BRD3: variants seen among roughly 807,000 people sequenced by gnomAD.
BRD3 encodes the protein bromodomain containing 3, also known as bromodomain-containing protein 3.
Under a neutral mutation model 66.8 loss-of-function variants are expected in BRD3, and 17 were observed. That is an observed-to-expected ratio of 0.25 (90% CI 0.17 to 0.38). BRD3 has a LOEUF of 0.38. Ranked by LOEUF, BRD3 falls within the 10% of genes least tolerant of loss-of-function variation. The pLI, the probability that BRD3 is intolerant of heterozygous loss-of-function variation, is 1.00. For synonymous variants in BRD3, 421 were observed against 393.2 expected (o/e 1.07, Z -0.84); for missense variants, 713 against 956.1 (o/e 0.75, Z 3.35).
chr9:134,031,200 A>G lies in BRD3; in HGVS notation c.*2390T>C, dbSNP rs1843506441. 4.5e-6 allele frequency: 1 copy of G among 221,190 alleles called. No individual in the cohort carries two copies. The highest frequency in any genetic ancestry group is 9.0e-6 in the Non-Finnish European group (1 of 110,518). 13.7% of individuals were successfully genotyped at this position (221,190 alleles called of 1,614,324 possible). Reference sequence around the variant, plus strand: ...GCAGAGGCGAGCCGACGCCACCGTCACAGAGAACCAGCCGAGAAGGAAAGG... The same window carrying G: ...GCAGAGGCGAGCCGACGCCACCGTCGCAGAGAACCAGCCGAGAAGGAAAGG... On this transcript the variant is annotated 3_prime_UTR_variant, in exon 12 of 12. Coordinates refer to ENST00000303407, the MANE Select transcript of BRD3 (RefSeq NM_007371.4).
In BRD3 at chr9:134,053,571, C is replaced by A; in HGVS notation, c.-94G>T. 6.9e-7 allele frequency: 1 copy of A among 1,448,390 alleles called. No homozygotes were observed. Among genetic ancestry groups the A allele is most frequent in the Admixed American group, 2.6e-5 (1 of 39,166 alleles). 89.7% of individuals were successfully genotyped at this position (1,448,390 alleles called of 1,614,324 possible). A position where few individuals can be genotyped will look rare whatever the true frequency, so the allele number is the denominator to read the frequency against. Reference sequence around the variant, plus strand: ...CTGAGAAAGCGCGACGTCCCATTTCCGGGCCCAACCAGGCGACAGCTGCAG... The same window carrying A: ...CTGAGAAAGCGCGACGTCCCATTTCAGGGCCCAACCAGGCGACAGCTGCAG... On this transcript the variant is annotated 5_prime_UTR_variant, in exon 2 of 12. Coordinates refer to ENST00000303407, the MANE Select transcript of BRD3 (RefSeq NM_007371.4).
intron 7 of BRD3, among the ~76,000 whole-genome samples, chr9:134,044,379 T>G (rs980905472): frequency 6.6e-6 from 1 of 152,106 alleles, no homozygotes; most frequent in African/African-American, 2.4e-5. Flanking sequence ...TCATCCACAA[T>G]AATACCATGG....
Position 134,032,054 on chromosome 9 carries a change from A to C in BRD3, c.*1536T>G, listed in dbSNP as rs559894844. The C allele has an allele frequency of 3.7e-5, 8 of 218,124 alleles. No individual in the cohort carries two copies. In the East Asian group the frequency reaches 5.4e-4, roughly 15 times the overall value. 13.5% of individuals were successfully genotyped at this position (218,124 alleles called of 1,614,324 possible). ...CACTGGAGGCTGGCAGGGAGCAGGC[A>C]TGTCCACCCGCAAGCCTGGGAGGCT... On this transcript the variant is annotated 3_prime_UTR_variant, in exon 12 of 12. Transcript: ENST00000303407.
intron 1 of BRD3, among the ~76,000 whole-genome samples, chr9:134,062,634 C>T (rs993987149): frequency 1.3e-5 from 2 of 152,172 alleles, no homozygotes; most frequent in African/African-American, 4.8e-5. Context: ...ACCCACTCCT[C>T]GAATAGAGAG....
intron 9 of BRD3, among the ~76,000 whole-genome samples, chr9:134,038,223 C>T (rs752451801): frequency 1.3e-5 from 2 of 151,714 alleles, no homozygotes; most frequent in Non-Finnish European, 1.5e-5. Context: ...GGTGTGATCT[C>T]GGCTCACTGC....
In BRD3 at chr9:134,032,105, G is replaced by T. The variant is rs906652685; in HGVS notation, c.*1485C>A. The T allele has an allele frequency of 4.6e-6, 1 of 217,734 alleles. No individual in the cohort carries two copies. The highest frequency in any genetic ancestry group is 6.8e-5 in the East Asian group (1 of 14,698). The allele number at this position is 217,734 out of a possible 1,614,324, so 13.5% of individuals were successfully genotyped here. ...AACTCTGGCATTCCTGGCCGGAGCCGCCATGCTCATTGGTGGGCCAGTTTG... is the reference window on the plus strand; with the variant it reads ...AACTCTGGCATTCCTGGCCGGAGCCTCCATGCTCATTGGTGGGCCAGTTTG... On this transcript the variant is annotated 3_prime_UTR_variant, in exon 12 of 12. Coordinates refer to ENST00000303407, the MANE Select transcript of BRD3 (RefSeq NM_007371.4).
intron 1 of BRD3, among the ~76,000 whole-genome samples, chr9:134,058,997 G>A (rs542478523): frequency 6.6e-6 from 1 of 152,364 alleles, no homozygotes; most frequent in South Asian, 2.1e-4. Flanking sequence ...GAGCCAAGGG[G>A]CACTGATTCA....
chr9:134,035,069 A>C (rs1843578797), intron 10 of BRD3, among the ~76,000 whole-genome samples: 1 of 152,194 alleles, frequency 6.6e-6, no homozygotes, highest in African/African-American at 2.4e-5. Flanking sequence ...GGGTGAGCAA[A>C]GCCTGGATCC....
At chr9:134,043,770 AG>A (rs1448523370) in intron 7 of BRD3, among the ~76,000 whole-genome samples, 2 of 152,198 alleles carry the variant, frequency 1.3e-5, no homozygotes, top group Non-Finnish European at 2.9e-5. Context: ...AGCTCACTGC[AG>A]TCTCCAACGC....
intron 10 of BRD3, 31 bp from the exon 11 acceptor site, chr9:134,034,860 C>A (rs1370888812): frequency 6.2e-7 from 1 of 1,608,762 alleles, no homozygotes; most frequent in African/African-American, 1.3e-5. Flanking sequence ...ACTCAGACTG[C>A]AGAGCAGACC....
At chr9:134,044,843 C>T (rs1830135309) in intron 7 of BRD3, among the ~76,000 whole-genome samples, 1 of 152,244 alleles carries the variant, frequency 6.6e-6, no homozygotes, top group Non-Finnish European at 1.5e-5. Context: ...CCGCCTTTTA[C>T]TTCTGTTGTC....
At chr9:134,052,186 C>A (rs930590701) in intron 3 of BRD3, 120 bp downstream of exon 3, 5 of 1,328,212 alleles carry the variant, frequency 3.8e-6, no homozygotes, top group Non-Finnish European at 5.1e-6. Context: ...AGCCACGGCA[C>A]CCAGCCAGGT....
At chr9:134,044,387 T>C (rs1830123067) in intron 7 of BRD3, among the ~76,000 whole-genome samples, 1 of 152,118 alleles carries the variant, frequency 6.6e-6, no homozygotes, top group Non-Finnish European at 1.5e-5. Flanking sequence ...AATAATACCA[T>C]GGGCTGCTCG....
rs187864274 is a variant in BRD3, at chr9:134,045,710, T to C, written c.1087-289A>G. ...CTCAACAAGAAATCCCAGGTTCCCG[T>C]AGGCGTCCCTTGGCCCCTTCCTTGT... On this transcript the variant is annotated intron_variant, in intron 6 of 11. Coordinates refer to ENST00000303407, the MANE Select transcript of BRD3 (RefSeq NM_007371.4). This position sits in a 1 kb window ranked among gnomAD's most constrained non-coding sequence, Gnocchi z 4.8. Among the ~76,000 whole-genome samples the C allele has an allele frequency of 3.9e-5, 6 of 152,262 alleles. No homozygotes were observed. The East Asian group carries it at 7.7e-4, about 20-fold the overall frequency.
At chr9:134,036,735 G>T in intron 9 of BRD3, 1 of 803,374 alleles carries the variant, frequency 1.2e-6, no homozygotes, top group Non-Finnish European at 2.0e-6. Flanking sequence ...AGGGCCGGGC[G>T]CGGTGGCTCA....
Position 134,050,474 on chromosome 9 carries a change from G to A in BRD3, c.614C>T (p.Thr205Ile). Residue 205 changes from threonine to isoleucine, a missense_variant, in exon 5 of 12, where the codon ACT (threonine) becomes ATT (isoleucine). Physicochemically the swap from Thr to Ile is moderately conservative, Grantham distance 89. This residue lies in a region of BRD3 where 120 missense variants were observed against 122.8 expected (regional missense o/e 0.98). Coordinates refer to ENST00000303407, the MANE Select transcript of BRD3 (RefSeq NM_007371.4). ...VIAATPVPTITANVTSVPVPP... is the reference protein window; with the variant it reads ...VIAATPVPTIIANVTSVPVPP... Reference sequence around the variant, plus strand: ...GACTGGGACCGACGTGACGTTTGCAGTGATGGTTGGTACAGGGGTGGCAGC... The same window carrying A: ...GACTGGGACCGACGTGACGTTTGCAATGATGGTTGGTACAGGGGTGGCAGC... 6.2e-7 allele frequency: 1 copy of A among 1,612,272 alleles called. No individual in the cohort carries two copies. Among genetic ancestry groups the A allele is most frequent in the Non-Finnish European group, 8.5e-7 (1 of 1,179,446 alleles).
upstream of BRD3, chr9:134,068,363 G>C (rs1283784405): frequency 6.7e-6 from 1 of 149,844 alleles, no homozygotes; most frequent in African/African-American, 2.4e-5. Context: ...CGGATTTTCC[G>C]GTGCCCCAGG....
intron 11 of BRD3, among the ~76,000 whole-genome samples, chr9:134,034,045 A>G (rs1843559291): frequency 6.6e-6 from 1 of 152,086 alleles, no homozygotes; most frequent in Non-Finnish European, 1.5e-5. Context: ...GGGGCGTCCA[A>G]AGAGTGACTA....
chr9:134,048,061 G>C, intron 6 of BRD3, 22 bp downstream of exon 6: 1 of 1,543,240 alleles, frequency 6.5e-7, no homozygotes, highest in South Asian at 1.3e-5. Flanking sequence ...GGCAGAGCAG[G>C]GCCTGCCGCG....
Sources: gnomAD v4.1 joint callset for allele counts (sites outside exome capture counted in the v4.1 genomes callset) on GRCh38, gnomAD v4.1.1 for gene constraint, gnomAD v4.1.1 regional missense constraint, Gnocchi (gnomAD v3.1) non-coding constraint, MANE v1.5 for transcripts, NCBI Gene and HGNC (gene_info 2026-07-23, HGNC 2026-07-21) for gene names.